Variants in PTCD2 observed in about 807,000 individuals in gnomAD.
The protein encoded by PTCD2 is pentatricopeptide repeat-containing protein 2, mitochondrial.
A neutral mutation model predicts 42.6 loss-of-function variants in PTCD2; 31 were observed. That is an observed-to-expected ratio of 0.73 (90% confidence interval 0.55 to 0.98). The LOEUF is 0.98. PTCD2 is among the 50% of genes least tolerant of loss of function. The pLI is 0.00. For synonymous variants in PTCD2, 183 were observed against 170.9 expected, an observed-to-expected ratio of 1.07 and a Z score of -0.55; for missense variants, 476 against 454.8, an observed-to-expected ratio of 1.05 and a Z score of -0.42.
chr5:72,341,823 A>G (rs1291330105), intron 7 of PTCD2, among the ~76,000 whole-genome samples: 1 of 151,920 alleles, frequency 6.6e-6, no homozygotes, highest in African/African-American at 2.4e-5. Context: ...CGGGCAGATC[A>G]TGAGGTCAGG....
chr5:72,355,934 T>C lies in PTCD2; in HGVS notation c.943-2269T>C, dbSNP rs186208134. On this transcript the variant is annotated intron_variant, in intron 9 of 9. Coordinates refer to ENST00000380639, the MANE Select transcript of PTCD2 (RefSeq NM_024754.5). ...GAGGGCAGTGGCTGCTTCCTCCTCC[T>C]GCCACACTGTCGCCTTCCCAGCCCT... 2.7e-4 allele frequency among the ~76,000 whole-genome samples: 41 copies of C among 152,302 alleles called. No individual in the cohort carries two copies. The East Asian group carries it at 5.8e-3, about 22-fold the overall frequency.
intron 6 of PTCD2, among the ~76,000 whole-genome samples, chr5:72,336,182 T>C (rs987818806): frequency 5.9e-5 from 9 of 152,196 alleles, no homozygotes; most frequent in Non-Finnish European, 2.9e-5. Flanking sequence ...TGCTGGACTC[T>C]GCTAGATCCA....
intron 2 of PTCD2, among the ~76,000 whole-genome samples, chr5:72,326,410 T>C (rs1234365882): frequency 1.3e-5 from 2 of 152,180 alleles, no homozygotes; most frequent in African/African-American, 4.8e-5. Context: ...CCTGTGCCCA[T>C]GTCCCTGCCT....
intron 8 of PTCD2, among the ~76,000 whole-genome samples, chr5:72,351,307 A>G (rs1471339949): frequency 6.6e-6 from 1 of 152,186 alleles, no homozygotes; most frequent in Non-Finnish European, 1.5e-5. Context: ...TGGTAGTATC[A>G]TTCCGAAAGC....
intron 2 of PTCD2, among the ~76,000 whole-genome samples, chr5:72,323,363 C>A (rs1750963044): frequency 6.6e-6 from 1 of 152,156 alleles, no homozygotes; most frequent in Non-Finnish European, 1.5e-5. Context: ...CACCCTAGGT[C>A]TTTTTCCCTT....
Position 72,366,613 on chromosome 5 carries a change from T to C in PTCD2, c.*8186T>C, listed in dbSNP as rs1356514753. 6.6e-6 allele frequency: 1 copy of C among 152,238 alleles called. No homozygotes were observed. The highest frequency in any genetic ancestry group is 1.5e-5 in the Non-Finnish European group (1 of 68,050). The allele number at this position is 152,238 out of a possible 1,614,324, so 9.4% of individuals were successfully genotyped here. On this transcript the variant is annotated 3_prime_UTR_variant, in exon 10 of 10. Transcript: ENST00000380639. ...AGGTGCTAGTTTTCAAAAGCATTTC[T>C]GGAATTCAGAGAGAACAGAGGTCCA...
chr5:72,341,077 G>A (rs1196055958), intron 7 of PTCD2, among the ~76,000 whole-genome samples: 1 of 151,462 alleles, frequency 6.6e-6, no homozygotes, highest in Non-Finnish European at 1.5e-5. Context: ...TGATTCTCCT[G>A]CCTCAGCTTC....
intron 3 of PTCD2, among the ~76,000 whole-genome samples, chr5:72,327,342 G>A (rs771772316): frequency 5.9e-5 from 9 of 152,150 alleles, no homozygotes; most frequent in Admixed American, 3.3e-4. Context: ...GAAAGAACTC[G>A]CATGTAAGCA....
In PTCD2 at chr5:72,322,217, T is replaced by A. The variant is rs1750898430; in HGVS notation, c.173T>A (p.Phe58Tyr). 1.2e-6 allele frequency: 2 copies of A among 1,603,736 alleles called. No homozygotes were observed. The highest frequency in any genetic ancestry group is 1.7e-6 in the Non-Finnish European group (2 of 1,171,130). ...LTDNVVKLKE[F>Y]QQKKVAVACN... ...GATAATGTGGTGAAATTAAAAGAAT[T>A]TCAACAAAAGAAAGTGGCTGTTGCA... The change falls in exon 2 of 10, where the codon TTT (phenylalanine) becomes TAT (tyrosine). Residue 58 changes from phenylalanine to tyrosine, a missense_variant. By Grantham distance (22) the Phe-to-Tyr change is conservative (BLOSUM62 3). Transcript: ENST00000380639.
At chr5:72,348,699 A>G (rs567326511) in intron 8 of PTCD2, among the ~76,000 whole-genome samples, 6 of 152,378 alleles carry the variant, frequency 3.9e-5, no homozygotes, top group South Asian at 2.1e-4. Context: ...AGACCAGTGC[A>G]GGGTAACTTT....
intron 4 of PTCD2, among the ~76,000 whole-genome samples, chr5:72,331,594 A>T (rs945952651): frequency 1.7e-4 from 26 of 152,166 alleles, no homozygotes; most frequent in African/African-American, 6.3e-4. Flanking sequence ...ATAGGTACAG[A>T]TGATCCTACC....
rs1309511747 is a variant in PTCD2, at chr5:72,362,618, C to T, written c.*4191C>T. The stretch of plus-strand genomic sequence containing the variant: ...CCACTCTTTCTCTATTCTGTTCTGC[C>T]TATTATTCAAGGTCTAACTTGTGTC... On this transcript the variant is annotated 3_prime_UTR_variant, in exon 10 of 10. Coordinates refer to ENST00000380639, the MANE Select transcript of PTCD2 (RefSeq NM_024754.5). 6.6e-6 allele frequency: 1 copy of T among 152,158 alleles called. No homozygotes were observed. Among genetic ancestry groups the T allele is most frequent in the Non-Finnish European group, 1.5e-5 (1 of 68,036 alleles). 9.4% of individuals were successfully genotyped at this position (152,158 alleles called of 1,614,324 possible).
rs1412445405 is a variant in PTCD2 at position 72,362,761 on chromosome 5, C to T, written c.*4334C>T. ...GCACTACGAAAGACTCTACATGCCA[C>T]AGGGAAAAGACAGACAAGATCTCTG... On this transcript the variant is annotated 3_prime_UTR_variant, in exon 10 of 10. Coordinates refer to ENST00000380639, the MANE Select transcript of PTCD2 (RefSeq NM_024754.5). 6.6e-6 allele frequency: 1 copy of T among 152,192 alleles called. No homozygotes were observed. The highest frequency in any genetic ancestry group is 1.5e-5 in the Non-Finnish European group (1 of 68,044). 9.4% of individuals were successfully genotyped at this position (152,192 alleles called of 1,614,324 possible). A position where few individuals can be genotyped will look rare whatever the true frequency, so the allele number is the denominator to read the frequency against.
rs1753059614 is a variant in PTCD2 at position 72,360,162 on chromosome 5, T to G, written c.*1735T>G. The stretch of plus-strand genomic sequence containing the variant: ...ATTTAGAGAAACAAATTCTCTGCCC[T>G]CATAGAATCCTAATTGTTTCTGTAT... On this transcript the variant is annotated 3_prime_UTR_variant, in exon 10 of 10. Coordinates refer to ENST00000380639, the MANE Select transcript of PTCD2 (RefSeq NM_024754.5). 6.6e-6 allele frequency: 1 copy of G among 151,514 alleles called. No homozygotes were observed. Among genetic ancestry groups the G allele is most frequent in the South Asian group, 2.1e-4 (1 of 4,806 alleles). 9.4% of individuals were successfully genotyped at this position (151,514 alleles called of 1,614,324 possible).
intron 9 of PTCD2, among the ~76,000 whole-genome samples, chr5:72,353,018 T>C (rs535210539): frequency 6.6e-6 from 1 of 152,358 alleles, no homozygotes; most frequent in South Asian, 2.1e-4. Context: ...GGCTCTCTTT[T>C]TCTTCTAGAT....
chr5:72,340,072 A>G (rs1319499179), intron 7 of PTCD2, among the ~76,000 whole-genome samples: 7 of 152,048 alleles, frequency 4.6e-5, no homozygotes, highest in Non-Finnish European at 8.8e-5. Context: ...AATGTGACAT[A>G]TATTTGATCT....
intron 4 of PTCD2, among the ~76,000 whole-genome samples, chr5:72,334,112 C>T (rs1751594153): frequency 1.3e-5 from 2 of 152,124 alleles, no homozygotes; most frequent in African/African-American, 2.4e-5. Context: ...CAAGTGATCC[C>T]GCCTCTCCCT....
chr5:72,355,024 A>G (rs543191041), intron 9 of PTCD2, among the ~76,000 whole-genome samples: 1 of 152,232 alleles, frequency 6.6e-6, no homozygotes, highest in African/African-American at 2.4e-5. Flanking sequence ...CCATATAGTT[A>G]TTTTTATATA....
At chr5:72,345,125 A>G (rs575935541) in intron 8 of PTCD2, among the ~76,000 whole-genome samples, 1 of 152,324 alleles carries the variant, frequency 6.6e-6, no homozygotes, top group African/African-American at 2.4e-5. Flanking sequence ...AGCTTCGACC[A>G]TAAAAGAAGG....
Sources: gnomAD v4.1 joint callset for allele counts (sites outside exome capture counted in the v4.1 genomes callset) on GRCh38, gnomAD v4.1.1 for gene constraint, MANE v1.5 for transcripts, NCBI Gene and HGNC (gene_info 2026-07-23, HGNC 2026-07-21) for gene names.